Variants in ENTREP2 observed in about 807,000 individuals in gnomAD.
ENTREP2 encodes endosomal transmembrane epsin interactor 2.
chr15:29,139,675 T>C, the ENTREP2 span, among the ~76,000 whole-genome samples: 1 of 152,306 alleles, frequency 6.6e-6, no homozygotes, highest in East Asian at 1.9e-4. Context: ...CTGGAGGCTA[T>C]GTAAAGGTCA....
At chr15:29,459,098 C>T in the ENTREP2 span, among the ~76,000 whole-genome samples, 1 of 152,312 alleles carries the variant, frequency 6.6e-6, no homozygotes, top group East Asian at 1.9e-4. Flanking sequence ...CTTTCTCCGA[C>T]CCATCCAATC....
chr15:29,331,747 A>G, the ENTREP2 span, among the ~76,000 whole-genome samples: 4 of 152,358 alleles, frequency 2.6e-5, no homozygotes, highest in African/African-American at 9.6e-5. Flanking sequence ...CACCCCAACA[A>G]TTCTACTTAA....
At chr15:29,458,301 C>G in the ENTREP2 span, among the ~76,000 whole-genome samples, 1 of 152,118 alleles carries the variant, frequency 6.6e-6, no homozygotes, top group African/African-American at 2.4e-5. Context: ...GGATGCATGC[C>G]CAAACTGGCA....
chr15:29,314,057 T>C, the ENTREP2 span, among the ~76,000 whole-genome samples: 1 of 152,244 alleles, frequency 6.6e-6, no homozygotes, highest in African/African-American at 2.4e-5. Flanking sequence ...AAGATGTGGC[T>C]AAATTGTTGC....
At chr15:29,649,635 G>A in the ENTREP2 span, among the ~76,000 whole-genome samples, 3 of 149,050 alleles carry the variant, frequency 2.0e-5, no homozygotes, top group South Asian at 2.1e-4. Context: ...CAGGAGAATC[G>A]ACTGAACCTG....
chr15:29,357,232 G>C, the ENTREP2 span, among the ~76,000 whole-genome samples: 19 of 151,804 alleles, frequency 1.3e-4, no homozygotes, highest in African/African-American at 4.4e-4. Context: ...GATTCTGTAG[G>C]GGAGAAAAAA....
At chr15:29,391,484 C>T in the ENTREP2 span, among the ~76,000 whole-genome samples, 4 of 152,074 alleles carry the variant, frequency 2.6e-5, no homozygotes, top group Non-Finnish European at 5.9e-5. Flanking sequence ...AGAAAAAACT[C>T]CTTAGTGTTG....
the ENTREP2 span, among the ~76,000 whole-genome samples, chr15:29,493,123 CCCT>C: frequency 3.5e-3 from 454 of 131,586 alleles, 30 homozygotes; most frequent in African/African-American, 0.015. Context: ...TCCCTGACAA[CCCT>C]TTTTTTTTTT....
chr15:29,309,876 T>C, the ENTREP2 span, among the ~76,000 whole-genome samples: 1 of 152,040 alleles, frequency 6.6e-6, no homozygotes, highest in African/African-American at 2.4e-5. Flanking sequence ...ATGCCTGTGC[T>C]TGAAGCCTGG....
At chr15:29,178,164 C>T in the ENTREP2 span, among the ~76,000 whole-genome samples, 8 of 151,402 alleles carry the variant, frequency 5.3e-5, no homozygotes, top group South Asian at 2.1e-4. Flanking sequence ...TATGGTGGTA[C>T]GTGTCTATGG....
chr15:29,438,472 C>T, the ENTREP2 span, among the ~76,000 whole-genome samples: 3 of 152,130 alleles, frequency 2.0e-5, no homozygotes, highest in Non-Finnish European at 2.9e-5. Context: ...TTCTACCATC[C>T]AGTCAAACCA....
chr15:29,622,148 G>C, the ENTREP2 span, among the ~76,000 whole-genome samples: 1 of 152,044 alleles, frequency 6.6e-6, no homozygotes, highest in Non-Finnish European at 1.5e-5. Context: ...GCACAACACT[G>C]TGAATGTATT....
At chr15:29,447,287 C>T in the ENTREP2 span, among the ~76,000 whole-genome samples, 2 of 152,238 alleles carry the variant, frequency 1.3e-5, no homozygotes, top group African/African-American at 2.4e-5. Flanking sequence ...AGAAGTCATT[C>T]TGGGATTAGA....
the ENTREP2 span, among the ~76,000 whole-genome samples, chr15:29,605,137 A>T: frequency 6.6e-6 from 1 of 152,206 alleles, no homozygotes. Context: ...CAGCCTGTGT[A>T]TCCTCCCCAA....
At chr15:29,650,630 C>A in the ENTREP2 span, among the ~76,000 whole-genome samples, 1 of 151,816 alleles carries the variant, frequency 6.6e-6, no homozygotes, top group African/African-American at 2.4e-5. Flanking sequence ...ATTCTTGTTA[C>A]CCTTACTCTT....
At chr15:29,648,067 G>T in the ENTREP2 span, among the ~76,000 whole-genome samples, 1 of 150,678 alleles carries the variant, frequency 6.6e-6, no homozygotes, top group Non-Finnish European at 1.5e-5. Flanking sequence ...ATCACAACAG[G>T]CCCCAATACC....
At chr15:29,386,393 C>CG in the ENTREP2 span, among the ~76,000 whole-genome samples, 1 of 152,122 alleles carries the variant, frequency 6.6e-6, no homozygotes, top group Admixed American at 6.5e-5. Flanking sequence ...GTTTGAACAG[C>CG]GGGGCACCGA....
chr15:29,154,633 C>T, the ENTREP2 span, among the ~76,000 whole-genome samples: 12 of 152,316 alleles, frequency 7.9e-5, no homozygotes, highest in Admixed American at 3.3e-4. Flanking sequence ...TTGGCAAGTG[C>T]TCAAGAGGAG....
chr15:29,231,903 T>TG, the ENTREP2 span, among the ~76,000 whole-genome samples: 1 of 147,908 alleles, frequency 6.8e-6, no homozygotes, highest in Non-Finnish European at 1.5e-5. Flanking sequence ...TCTTTTTTTT[T>TG]TTTTTGAGAC....
Sources: gnomAD v4.1 joint callset for allele counts (sites outside exome capture counted in the v4.1 genomes callset) on GRCh38, gnomAD v4.1.1 for gene constraint, MANE v1.5 for transcripts, NCBI Gene and HGNC (gene_info 2026-07-23, HGNC 2026-07-21) for gene names.